Variants in NBPF3 observed in about 807,000 individuals in gnomAD.
NBPF3 encodes NBPF family member NBPF3.
A neutral mutation model predicts 78.1 loss-of-function variants in NBPF3; 57 were observed. That is an observed-to-expected ratio of 0.73 (90% CI 0.59 to 0.91). The LOEUF (loss-of-function observed/expected upper bound fraction) is 0.91, where lower values mean the gene tolerates loss of function less well. Ranked by LOEUF, NBPF3 falls within the 40% of genes least tolerant of loss-of-function variation. NBPF3 has a pLI of 0.00. For missense variants in NBPF3, 510 were observed against 715.3 expected (o/e 0.71, Z 3.27); for synonymous variants, 182 against 271.7 (o/e 0.67, Z 3.25).
intron 2 of NBPF3, among the ~76,000 whole-genome samples, chr1:21,449,317 T>C (rs1013098452): frequency 1.3e-5 from 2 of 152,062 alleles, no homozygotes; most frequent in African/African-American, 2.4e-5. Context: ...TCCTTGAAAT[T>C]GGTTCATCTG....
rs774423898 is a variant in NBPF3, at chr1:21,470,653, TC to T, written c.366del (p.Ile123Ter). On this transcript the variant is annotated frameshift_variant, in exon 4 of 15. Coordinates refer to ENST00000318249, the MANE Select transcript of NBPF3 (RefSeq NM_032264.6). LOFTEE classifies it high-confidence loss of function. ...NNYDYEDCKD[L>X]IKSMLRDERL... ...TCAGACTATGAAGACTGCAAAGACC[TC>T]ATAAAATCTATGCTGAGGGATGAGC... 6.3e-7 allele frequency: 1 copy of T among 1,598,392 alleles called. No homozygotes were observed. Among genetic ancestry groups the T allele is most frequent in the Non-Finnish European group, 8.5e-7 (1 of 1,169,830 alleles).
intron 2 of NBPF3, among the ~76,000 whole-genome samples, chr1:21,451,056 A>T (rs1482911647): frequency 1.3e-5 from 2 of 152,128 alleles, no homozygotes; most frequent in Non-Finnish European, 2.9e-5. Flanking sequence ...CCTGCTCTGC[A>T]TTTCTTGAAA....
chr1:21,470,653 T>G lies in NBPF3; in HGVS notation c.365T>G (p.Leu122Arg). ...TCAGACTATGAAGACTGCAAAGACC[T>G]CATAAAATCTATGCTGAGGGATGAG... ...NNYDYEDCKD[L>R]IKSMLRDERL... The change falls in exon 4 of 15, where the codon CTC becomes CGC. Residue 122 changes from leucine (L) to arginine (R), a missense_variant. Transcript: ENST00000318249. 2 of 1,598,392 alleles carry G rather than the reference T, an allele frequency of 1.3e-6. No homozygotes were observed. Among genetic ancestry groups the G allele is most frequent in the Non-Finnish European group, 1.7e-6 (2 of 1,169,830 alleles).
At chr1:21,472,201 A>G (rs2147992520) in intron 5 of NBPF3, among the ~76,000 whole-genome samples, 1 of 152,346 alleles carries the variant, frequency 6.6e-6, no homozygotes, top group South Asian at 2.1e-4. Context: ...CTCTGTCTCC[A>G]TCTGCAAAGG....
chr1:21,446,991 A>G (rs983562311), intron 2 of NBPF3, among the ~76,000 whole-genome samples: 3 of 152,218 alleles, frequency 2.0e-5, no homozygotes, highest in African/African-American at 4.8e-5. Context: ...GAAATCTCCA[A>G]CTGCTCTGAC....
chr1:21,452,472 C>T (rs2016464), intron 2 of NBPF3, among the ~76,000 whole-genome samples: 82,410 of 152,058 alleles, frequency 0.54, 23,095 homozygotes, highest in Admixed American at 0.66. Flanking sequence ...AATTCAGTAC[C>T]TCCTCCTTTT....
intron 1 of NBPF3, among the ~76,000 whole-genome samples, chr1:21,441,175 G>A (rs1232865827): frequency 6.6e-6 from 1 of 152,190 alleles, no homozygotes; most frequent in Non-Finnish European, 1.5e-5. Context: ...CTTTGCCAAA[G>A]GAATGAATCC....
chr1:21,443,022 C>G (rs948748108), intron 1 of NBPF3, among the ~76,000 whole-genome samples: 1 of 152,132 alleles, frequency 6.6e-6, no homozygotes, highest in Non-Finnish European at 1.5e-5. Context: ...ATTGAAAAGA[C>G]CATCCTTTTC....
In NBPF3 at chr1:21,483,107, C is replaced by T. The variant is rs549722686; in HGVS notation, c.1659-36C>T. ...TTGGGGCTCTGTGGTGTCTGATTTT[C>T]CCTGGCTGCTTCTTTAGTTTTGTCT... On this transcript the variant is annotated intron_variant, in intron 14 of 14. Transcript: ENST00000318249. 4 of 1,612,086 alleles carry T rather than the reference C, an allele frequency of 2.5e-6. No individual in the cohort carries two copies. The Admixed American group carries it at 5.0e-5, about 20-fold the overall frequency.
intron 2 of NBPF3, among the ~76,000 whole-genome samples, chr1:21,452,237 A>G (rs577452493): frequency 7.5e-4 from 114 of 152,344 alleles, no homozygotes; most frequent in African/African-American, 2.7e-3. Flanking sequence ...TATACATATA[A>G]AATGAGCAAA....
At chr1:21,437,414 G>C, upstream of NBPF3, 1 of 1,151,024 alleles carries the variant, frequency 8.7e-7, no homozygotes, top group African/African-American at 1.6e-5. Context: ...GCTCTCAAAC[G>C]TAGGCCTAGA....
chr1:21,482,268 T>A (rs1237339090), intron 13 of NBPF3, among the ~76,000 whole-genome samples: 1 of 138,880 alleles, frequency 7.2e-6, no homozygotes, highest in Non-Finnish European at 1.6e-5. Flanking sequence ...GGGATAATGA[T>A]CTACCAGAAT....
chr1:21,469,942 C>T (rs1642492381), intron 3 of NBPF3, among the ~76,000 whole-genome samples: 1 of 152,170 alleles, frequency 6.6e-6, no homozygotes, highest in South Asian at 2.1e-4. Flanking sequence ...TACAGAAATA[C>T]CTACCTCTGT....
At chr1:21,463,300 TAAGGCC>T (rs1264103651) in intron 2 of NBPF3, among the ~76,000 whole-genome samples, 1 of 152,132 alleles carries the variant, frequency 6.6e-6, no homozygotes, top group Non-Finnish European at 1.5e-5. Context: ...TGGGTCGGGT[TAAGGCC>T]AAGCTGAATC....
At chr1:21,477,983 A>C in intron 8 of NBPF3, 161 bp from the exon 9 acceptor site, 1 of 1,496,878 alleles carries the variant, frequency 6.7e-7, no homozygotes, top group Non-Finnish European at 9.1e-7. Flanking sequence ...GTCACCCTCC[A>C]GCCTGCATTT....
intron 2 of NBPF3, among the ~76,000 whole-genome samples, chr1:21,457,354 A>ATATATATGTATGTG (rs1641669489): frequency 2.1e-5 from 3 of 145,722 alleles, no homozygotes; most frequent in African/African-American, 7.4e-5. Flanking sequence ...GTGTGTATAT[A>ATATATATGTATGTG]TATATATATG....
At chr1:21,466,830 G>T (rs1194981046) in intron 2 of NBPF3, among the ~76,000 whole-genome samples, 2 of 152,166 alleles carry the variant, frequency 1.3e-5, no homozygotes, top group Non-Finnish European at 2.9e-5. Flanking sequence ...ATTACCACAG[G>T]ATTATGATGA....
chr1:21,442,642 T>C (rs1434447483), intron 1 of NBPF3, among the ~76,000 whole-genome samples: 2 of 152,060 alleles, frequency 1.3e-5, no homozygotes, highest in Admixed American at 6.5e-5. Flanking sequence ...TGTGTTAACC[T>C]TATAACAATT....
intron 1 of NBPF3, chr1:21,442,249 C>G (rs957427913): frequency 2.0e-5 from 3 of 152,092 alleles, no homozygotes; most frequent in African/African-American, 7.2e-5. Flanking sequence ...GGATCTCACT[C>G]CATTGCCCAG....
Sources: gnomAD v4.1 joint callset for allele counts (sites outside exome capture counted in the v4.1 genomes callset) on GRCh38, gnomAD v4.1.1 for gene constraint, MANE v1.5 for transcripts, NCBI Gene and HGNC (gene_info 2026-07-23, HGNC 2026-07-21) for gene names.